PDE4D: variants seen among roughly 807,000 people sequenced by gnomAD.
PDE4D encodes the protein phosphodiesterase 4D.
Under a neutral mutation model 87.4 loss-of-function variants are expected in PDE4D, and 24 were observed. That is an observed-to-expected ratio of 0.27 (90% CI 0.20 to 0.39). The LOEUF is 0.39. PDE4D is among the 10% of genes least tolerant of loss of function. The probability of loss-of-function intolerance (pLI) is 1.00; values close to 1 mark genes in which losing one functional copy is unlikely to be tolerated. For synonymous variants in PDE4D, 384 were observed against 383.2 expected (o/e 1.00, Z -0.02); for missense variants, 714 against 1,041.0 (o/e 0.69, Z 4.32).
rs1187900628 is a variant in PDE4D, at chr5:59,577,005, A to T, written c.455+316163T>A. Among the ~76,000 whole-genome samples the T allele has an allele frequency of 2.6e-5, 4 of 152,188 alleles. No homozygotes were observed. The East Asian group carries it at 5.8e-4, about 22-fold the overall frequency. On this transcript the variant is annotated intron_variant, in intron 1 of 14. Transcript: ENST00000340635. The stretch of plus-strand genomic sequence containing the variant: ...GCTTTCCTTTCTTCTCTAGAACATC[A>T]AGGGACTCTCCATCATTACGCCAAT...
chr5:60,260,701 A>G (rs1197226830), intron 1 of PDE4D, among the ~76,000 whole-genome samples: 1 of 152,102 alleles, frequency 6.6e-6, no homozygotes, highest in Non-Finnish European at 1.5e-5. Flanking sequence ...CTGTTTATAT[A>G]AAGTTGATCA....
intron 1 of PDE4D, among the ~76,000 whole-genome samples, chr5:59,498,116 G>A (rs949743553): frequency 1.3e-5 from 2 of 151,516 alleles, no homozygotes; most frequent in Non-Finnish European, 2.9e-5. Context: ...TCTCAGATAA[G>A]CAATTGCTAA....
chr5:60,104,874 A>G (rs1450794607), intron 2 of PDE4D, among the ~76,000 whole-genome samples: 1 of 152,218 alleles, frequency 6.6e-6, no homozygotes, highest in Non-Finnish European at 1.5e-5. Flanking sequence ...CATCACCATC[A>G]TCAAAGATCA....
chr5:60,356,642 T>C (rs561706110), intron 1 of PDE4D, among the ~76,000 whole-genome samples: 99 of 152,204 alleles, frequency 6.5e-4, no homozygotes, highest in African/African-American at 2.2e-3. Context: ...TTCCTTCTTT[T>C]CCCCCCACTT....
intron 1 of PDE4D, among the ~76,000 whole-genome samples, chr5:59,852,280 T>C (rs531267999): frequency 7.9e-5 from 12 of 152,180 alleles, no homozygotes; most frequent in Non-Finnish European, 1.6e-4. Flanking sequence ...CACTCTCACA[T>C]TGCGTAGGGC....
rs548788100 is a variant in PDE4D, at chr5:60,038,976, T to C, written c.43-50259A>G. Among the ~76,000 whole-genome samples the C allele has an allele frequency of 4.5e-3, 677 of 149,490 alleles. 6 individuals carry two copies. The highest frequency in any genetic ancestry group is 0.013 in the African/African-American group (546 of 40,876). On this transcript the variant is annotated intron_variant, in intron 2 of 16. Coordinates refer to the PDE4D transcript ENST00000502484. ...GGATGTGGAGAAATAGGAACACTTTTACACTGTTGGTGGGACTGTAAACTA... is the reference window on the plus strand; with the variant it reads ...GGATGTGGAGAAATAGGAACACTTTCACACTGTTGGTGGGACTGTAAACTA...
At chr5:60,262,963 G>C (rs1026284814) in intron 1 of PDE4D, among the ~76,000 whole-genome samples, 5 of 152,178 alleles carry the variant, frequency 3.3e-5, no homozygotes, top group Admixed American at 3.3e-4. Flanking sequence ...GTTTGGATAG[G>C]GGAGGAAAAA....
chr5:59,502,542 A>G (rs1175778312), intron 1 of PDE4D, among the ~76,000 whole-genome samples: 1 of 152,150 alleles, frequency 6.6e-6, no homozygotes. Context: ...TAAATTTAAA[A>G]AAAGACATTT....
At chr5:59,683,952 C>T (rs1415949350) in intron 1 of PDE4D, among the ~76,000 whole-genome samples, 3 of 152,180 alleles carry the variant, frequency 2.0e-5, no homozygotes, top group Non-Finnish European at 1.5e-5. Context: ...TGCCAAGACC[C>T]GATGCCCCAT....
At chr5:59,994,097 A>C (rs951021324) in intron 2 of PDE4D, among the ~76,000 whole-genome samples, 12 of 151,728 alleles carry the variant, frequency 7.9e-5, no homozygotes, top group Non-Finnish European at 8.8e-5. Flanking sequence ...TATTTAATTA[A>C]TTTCTTTGTT....
intron 1 of PDE4D, among the ~76,000 whole-genome samples, chr5:60,371,186 C>T (rs1761000738): frequency 6.6e-6 from 1 of 152,206 alleles, no homozygotes; most frequent in Non-Finnish European, 1.5e-5. Flanking sequence ...CAACCAACTC[C>T]TTCCCAGGTT....
At chr5:59,518,490 A>G (rs1811585862) in intron 1 of PDE4D, among the ~76,000 whole-genome samples, 1 of 152,078 alleles carries the variant, frequency 6.6e-6, no homozygotes. Context: ...GGACATGAGC[A>G]CTCACATCAA....
At chr5:60,027,404 T>C (rs1449985484) in intron 2 of PDE4D, among the ~76,000 whole-genome samples, 1 of 152,182 alleles carries the variant, frequency 6.6e-6, no homozygotes, top group East Asian at 1.9e-4. Context: ...GGACATGACT[T>C]TGTTCTTTTT....
chr5:60,309,938 T>C (rs1040164081), intron 1 of PDE4D, among the ~76,000 whole-genome samples: 1 of 152,224 alleles, frequency 6.6e-6, no homozygotes, highest in Non-Finnish European at 1.5e-5. Context: ...CCTTGGTGTT[T>C]TATTTAAATC....
chr5:59,179,747 C>T lies in PDE4D; in HGVS notation c.808+848G>A, dbSNP rs553385856. On this transcript the variant is annotated intron_variant, in intron 5 of 14. Transcript: ENST00000340635. ...CAAGGAAGACACTTGAATCCAATGA[C>T]GAATTGTTTTAGTTTGGAGAATATG... is the stretch of plus-strand genomic sequence containing the variant. 126 of 369,130 alleles carry T rather than the reference C, an allele frequency of 3.4e-4. 1 individual carries two copies. The highest frequency in any genetic ancestry group is 2.1e-3 in the South Asian group (104 of 50,474). The allele number at this position is 369,130 out of a possible 1,614,324, so 22.9% of individuals were successfully genotyped here.
chr5:60,070,912 T>C (rs1192150914), intron 2 of PDE4D, among the ~76,000 whole-genome samples: 1 of 151,986 alleles, frequency 6.6e-6, no homozygotes, highest in Admixed American at 6.6e-5. Flanking sequence ...TCTCGGTTGA[T>C]TGTATGTTTC....
At chr5:59,179,741 C>T in intron 5 of PDE4D, 1 of 380,976 alleles carries the variant, frequency 2.6e-6, no homozygotes, top group South Asian at 1.9e-5. Context: ...CACTTGAATC[C>T]AATGACGAAT....
intron 1 of PDE4D, among the ~76,000 whole-genome samples, chr5:59,815,686 T>C (rs1768899309): frequency 6.6e-6 from 1 of 152,212 alleles, no homozygotes; most frequent in African/African-American, 2.4e-5. Context: ...GCTACAGACC[T>C]GGCTGAAACT....
In PDE4D at chr5:59,526,800, A is replaced by AT. The variant is rs1204493954; in HGVS notation, c.456-310833dup. Among the ~76,000 whole-genome samples the AT allele has an allele frequency of 3.3e-5, 5 of 151,680 alleles. No individual in the cohort carries two copies. The East Asian group carries it at 9.7e-4, about 30-fold the overall frequency. On this transcript the variant is annotated intron_variant, in intron 1 of 14. Transcript: ENST00000340635. ...CACCATGCTTGGCTATTTTTTTTGT[A>AT]TTTTTTGTACATATGGTGTTTTGCC...
Sources: allele counts gnomAD v4.1 joint callset (sites outside exome capture counted in the v4.1 genomes callset), GRCh38; gene constraint gnomAD v4.1.1; transcripts MANE v1.5; gene names NCBI Gene and HGNC (gene_info 2026-07-23, HGNC 2026-07-21).